The following SUGCT variants were observed in gnomAD, a reference collection of about 807,000 sequenced individuals.
SUGCT encodes succinyl-CoA:glutarate-CoA transferase, also known as succinyl-CoA:glutarate CoA-transferase.
SUGCT carries 41 observed loss-of-function variants against 55.0 expected under a neutral mutation model. The observed-to-expected ratio is 0.74, with a 90% confidence interval of 0.58 to 0.97. SUGCT has a LOEUF of 0.97. Ranked by LOEUF, SUGCT falls within the 50% of genes least tolerant of loss-of-function variation. The probability of loss-of-function intolerance (pLI) is 0.00; values close to 1 mark genes in which losing one functional copy is unlikely to be tolerated. For missense variants in SUGCT, 568 were observed against 547.8 expected, an observed-to-expected ratio of 1.04 and a Z score of -0.37; for synonymous variants, 187 against 200.4, an observed-to-expected ratio of 0.93 and a Z score of 0.56.
chr7:40,888,105 TC>T, the SUGCT span, among the ~76,000 whole-genome samples: 1 of 152,184 alleles, frequency 6.6e-6, no homozygotes, highest in African/African-American at 2.4e-5. Context: ...ATCCATGCCC[TC>T]ATTTTGCAGA....
chr7:40,209,638 T>C (rs1448957106), intron 6 of SUGCT, among the ~76,000 whole-genome samples: 3 of 152,042 alleles, frequency 2.0e-5, no homozygotes, highest in Non-Finnish European at 4.4e-5. Flanking sequence ...CTCTACTAAA[T>C]ACAAAAAATT....
intron 1 of SUGCT, among the ~76,000 whole-genome samples, chr7:40,155,419 G>A (rs1771122867): frequency 6.6e-6 from 1 of 151,924 alleles, no homozygotes; most frequent in South Asian, 2.1e-4. Flanking sequence ...GTGAGCTTAT[G>A]GTGGCTGTCC....
intron 9 of SUGCT, among the ~76,000 whole-genome samples, chr7:40,342,679 G>A (rs1303757633): frequency 6.7e-6 from 1 of 149,778 alleles, no homozygotes; most frequent in African/African-American, 2.5e-5. Context: ...GTCTTGCTCT[G>A]TTGCCTAGGC....
At chr7:40,368,239 C>T (rs536507029) in intron 9 of SUGCT, among the ~76,000 whole-genome samples, 1 of 151,934 alleles carries the variant, frequency 6.6e-6, no homozygotes, top group Admixed American at 6.6e-5. Flanking sequence ...TGCACTGTCG[C>T]CTGGGCTGGA....
intron 9 of SUGCT, among the ~76,000 whole-genome samples, chr7:40,426,589 C>T (rs1787599581): frequency 6.6e-6 from 1 of 152,154 alleles, no homozygotes; most frequent in Admixed American, 6.6e-5. Flanking sequence ...ATGGTATTGA[C>T]TTTTACATCA....
intron 13 of SUGCT, among the ~76,000 whole-genome samples, chr7:40,761,188 A>T (rs1322605639): frequency 1.3e-5 from 2 of 152,224 alleles, no homozygotes; most frequent in Admixed American, 1.3e-4. Context: ...AGACACAGTG[A>T]GGACTGGGAG....
chr7:40,547,453 C>G (rs1795051827), intron 12 of SUGCT, among the ~76,000 whole-genome samples: 1 of 152,070 alleles, frequency 6.6e-6, no homozygotes, highest in African/African-American at 2.4e-5. Context: ...ATTATTATTA[C>G]TTTAAGTAGA....
At chr7:40,815,854 A>G (rs1262301454) in intron 13 of SUGCT, among the ~76,000 whole-genome samples, 1 of 152,172 alleles carries the variant, frequency 6.6e-6, no homozygotes, top group Non-Finnish European at 1.5e-5. Flanking sequence ...TGGAGCGGCA[A>G]GAGCTCTGCT....
intron 8 of SUGCT, among the ~76,000 whole-genome samples, chr7:40,301,164 T>C (rs566246907): frequency 1.3e-5 from 2 of 152,334 alleles, no homozygotes; most frequent in Admixed American, 1.3e-4. Flanking sequence ...TCTTTTACAC[T>C]AGACTGTTTT....
At chr7:40,792,614 C>T (rs1790369963) in intron 13 of SUGCT, among the ~76,000 whole-genome samples, 1 of 152,104 alleles carries the variant, frequency 6.6e-6, no homozygotes, top group African/African-American at 2.4e-5. Context: ...AACAAAGTCT[C>T]TTCTTGAAAT....
chr7:40,318,406 C>T (rs1372363221), intron 9 of SUGCT, among the ~76,000 whole-genome samples: 1 of 152,128 alleles, frequency 6.6e-6, no homozygotes, highest in Non-Finnish European at 1.5e-5. Context: ...GGGAAATCAT[C>T]TCAAATAATG....
chr7:40,354,877 C>A (rs1453190480), intron 9 of SUGCT, among the ~76,000 whole-genome samples: 1 of 152,162 alleles, frequency 6.6e-6, no homozygotes, highest in Non-Finnish European at 1.5e-5. Flanking sequence ...TACATAATTT[C>A]AGTCTACACA....
intron 11 of SUGCT, among the ~76,000 whole-genome samples, chr7:40,475,276 G>T (rs1050685955): frequency 3.0e-4 from 46 of 152,102 alleles, no homozygotes; most frequent in African/African-American, 1.1e-3. Context: ...CCTTGTTTGG[G>T]TTCAGCAATA....
the SUGCT span, among the ~76,000 whole-genome samples, chr7:40,936,233 TTA>T: frequency 2.0e-5 from 3 of 150,174 alleles, no homozygotes; most frequent in Non-Finnish European, 3.0e-5. Flanking sequence ...GGGATGTTTA[TTA>T]TTATTATTAT....
At chr7:40,618,798 C>G (rs1799128912) in intron 12 of SUGCT, among the ~76,000 whole-genome samples, 2 of 152,298 alleles carry the variant, frequency 1.3e-5, no homozygotes, top group Middle Eastern at 3.4e-3. Flanking sequence ...ATTATTTGAG[C>G]TAATCTTGTT....
chr7:40,807,892 T>C (rs1791193436), intron 13 of SUGCT, among the ~76,000 whole-genome samples: 1 of 152,230 alleles, frequency 6.6e-6, no homozygotes, highest in Non-Finnish European at 1.5e-5. Context: ...AGGAGAAAGA[T>C]GCAGGCCAGA....
At chr7:40,772,503 TATC>T (rs1789164345) in intron 13 of SUGCT, among the ~76,000 whole-genome samples, 2 of 40,192 alleles carry the variant, frequency 5.0e-5, no homozygotes, top group African/African-American at 7.7e-5. Context: ...AATATCTATC[TATC>T]TATCTATCTA....
At chr7:40,792,957 T>C (rs1304113885) in intron 13 of SUGCT, among the ~76,000 whole-genome samples, 5 of 152,124 alleles carry the variant, frequency 3.3e-5, no homozygotes. Context: ...TCAGGCACAG[T>C]CCAGCTATTT....
chr7:40,179,749 T>C (rs1268906810), intron 1 of SUGCT, among the ~76,000 whole-genome samples: 1 of 152,244 alleles, frequency 6.6e-6, no homozygotes, highest in Non-Finnish European at 1.5e-5. Flanking sequence ...CCATGTGTTC[T>C]TTCATCTTGT....
Sources: gnomAD v4.1 joint callset for allele counts (sites outside exome capture counted in the v4.1 genomes callset) on GRCh38, gnomAD v4.1.1 for gene constraint, MANE v1.5 for transcripts, NCBI Gene and HGNC (gene_info 2026-07-23, HGNC 2026-07-21) for gene names.